NUCB1: variants seen among roughly 807,000 people sequenced by gnomAD.
NUCB1 encodes nucleobindin 1.
A neutral mutation model predicts 61.2 loss-of-function variants in NUCB1; 47 were observed. That is an observed-to-expected ratio of 0.77 (90% CI 0.61 to 0.98). The LOEUF is 0.98. Among genes scored for constraint, NUCB1 ranks in the 50% least tolerant of loss-of-function variants. NUCB1 has a pLI of 0.00. For synonymous variants in NUCB1, 234 were observed against 243.1 expected (o/e 0.96, Z 0.35); for missense variants, 583 against 605.3 (o/e 0.96, Z 0.39).
Position 48,900,823 on chromosome 19 carries a change from C to T in NUCB1, c.27C>T (p.Thr9=), listed in dbSNP as rs1053453555. 2.5e-6 allele frequency: 4 copies of T among 1,613,984 alleles called. No homozygotes were observed. The highest frequency in any genetic ancestry group is 2.5e-6 in the Non-Finnish European group (3 of 1,180,026). ...TGCCTCCCTCTGGGCCCCGAGGAAC[C>T]CTCCTTCTGTTGCCGCTGCTGCTGC... MPPSGPRG[T]LLLLPLLLLL... is the part of the protein sequence containing the mutation. Residue 9 remains threonine (T), a synonymous_variant, in exon 2 of 13, where the codon ACC becomes ACT. Transcript: ENST00000405315.
chr19:48,904,240 T>G (rs966673666), intron 2 of NUCB1, 107 bp from the exon 3 acceptor site: 38 of 663,818 alleles, frequency 5.7e-5, no homozygotes, highest in Non-Finnish European at 9.2e-5. Context: ...AGGTAAAAAC[T>G]GAGTCCCTTG....
chr19:48,914,449 C>G (rs1404030512), intron 7 of NUCB1, among the ~76,000 whole-genome samples: 5 of 152,046 alleles, frequency 3.3e-5, no homozygotes, highest in African/African-American at 9.7e-5. Context: ...ATTCAGCAAA[C>G]CTTTCCTAAG....
rs181705551 is a variant in NUCB1, at chr19:48,918,609, C to T, written c.758-117C>T. The T allele has an allele frequency of 1.6e-4, 127 of 806,030 alleles. 1 individual carries two copies. Among genetic ancestry groups the T allele is most frequent in the Admixed American group, 1.7e-4 (9 of 53,490 alleles). 49.9% of individuals were successfully genotyped at this position (806,030 alleles called of 1,614,324 possible). ...GGGCCACCGTTCCACCGCGGGAGAC[C>T]CGTAGTTACCTGTCCTCTGATAACA... On this transcript the variant is annotated intron_variant, in intron 7 of 12. Coordinates refer to ENST00000405315, the MANE Select transcript of NUCB1 (RefSeq NM_006184.6).
intron 3 of NUCB1, 103 bp from the exon 4 acceptor site, chr19:48,905,650 G>A: frequency 7.3e-7 from 1 of 1,367,808 alleles, no homozygotes; most frequent in Non-Finnish European, 1.0e-6. Context: ...CTATAAGCAG[G>A]GAAGGGGCAG....
intron 2 of NUCB1, among the ~76,000 whole-genome samples, chr19:48,901,497 C>T (rs2037352722): frequency 1.3e-5 from 2 of 152,242 alleles, no homozygotes; most frequent in South Asian, 4.1e-4. Flanking sequence ...GGCGCAGTGG[C>T]TCATGCCTGT....
intron 5 of NUCB1, 70 bp downstream of exon 5, chr19:48,911,322 C>CCAGA: frequency 1.8e-6 from 2 of 1,092,058 alleles, no homozygotes; most frequent in Non-Finnish European, 2.8e-6. Flanking sequence ...GGACAGAGTC[C>CCAGA]CAGACGTGAG....
intron 7 of NUCB1, among the ~76,000 whole-genome samples, chr19:48,914,230 A>C (rs11880190): frequency 0.67 from 102,278 of 151,662 alleles, 36,166 homozygotes; most frequent in South Asian, 0.85. Flanking sequence ...CCCCCTCAGC[A>C]TCCCAAAGTG....
intron 4 of NUCB1, among the ~76,000 whole-genome samples, chr19:48,908,014 G>A (rs1444058904): frequency 6.6e-6 from 1 of 152,164 alleles, no homozygotes; most frequent in African/African-American, 2.4e-5. Flanking sequence ...TCACCGCCCC[G>A]GCTGTCCTGT....
rs1465803068 is a variant in NUCB1, at chr19:48,913,527, C to T, written c.720C>T (p.Pro240=). The T allele has an allele frequency of 1.9e-6, 3 of 1,614,064 alleles. No individual in the cohort carries two copies. The highest frequency in any genetic ancestry group is 1.1e-5 in the South Asian group (1 of 91,090). The change falls in exon 7 of 13, where the codon CCC becomes CCT. Residue 240 remains proline (P), a synonymous_variant. Transcript: ENST00000405315. ...EVWEELDGLD[P]NRFNPKTFFI... is the part of the protein sequence containing the mutation. ...GGGAGGAGCTGGATGGACTGGACCC[C>T]AACAGGTTTAACCCCAAGACCTTCT... is the stretch of plus-strand genomic sequence containing the variant.
At chr19:48,901,625 G>A (rs953249358) in intron 2 of NUCB1, among the ~76,000 whole-genome samples, 55 of 152,324 alleles carry the variant, frequency 3.6e-4, no homozygotes, top group African/African-American at 1.2e-3. Flanking sequence ...TTAGCTGGGC[G>A]TGGTGGCTCA....
At chr19:48,911,116 C>T (rs999822140) in intron 4 of NUCB1, 33 bp from the exon 5 acceptor site, 4 of 1,479,086 alleles carry the variant, frequency 2.7e-6, no homozygotes, top group Admixed American at 3.4e-5. Flanking sequence ...AAAGAACATG[C>T]CCTCAGGTGT....
At chr19:48,913,592 A>G in intron 7 of NUCB1, 28 bp downstream of exon 7, 1 of 1,571,056 alleles carries the variant, frequency 6.4e-7, no homozygotes, top group Non-Finnish European at 8.8e-7. Flanking sequence ...TTCCAGAGCC[A>G]GGATGAACCC....
rs1268928861 is a variant in NUCB1, at chr19:48,922,395, CCT to C, written c.1358_1359del (p.Pro453ArgfsTer3). 1.2e-6 allele frequency: 2 copies of C among 1,613,828 alleles called. No homozygotes were observed. Among genetic ancestry groups the C allele is most frequent in the Non-Finnish European group, 1.7e-6 (2 of 1,179,806 alleles). ...AGAAAAGAAACTTCTCGAGCGGCTC[CCT>C]GAGGTTGAGGTGCCCCAGCATCTGT... The part of the protein sequence containing the change: ...TSEKKLLERL[P>X]EVEVPQHL On this transcript the variant is annotated frameshift_variant, in exon 13 of 13. Coordinates refer to ENST00000405315, the MANE Select transcript of NUCB1 (RefSeq NM_006184.6). LOFTEE classifies it high-confidence loss of function.
At chr19:48,918,463 C>CA in intron 7 of NUCB1, 6 of 453,598 alleles carry the variant, frequency 1.3e-5, no homozygotes, top group Middle Eastern at 5.6e-4. Context: ...GCCAGAGAAT[C>CA]CTGCATGACA....
At chr19:48,912,019 C>CA (rs963906845) in intron 5 of NUCB1, among the ~76,000 whole-genome samples, 4 of 128,630 alleles carry the variant, frequency 3.1e-5, no homozygotes, top group Non-Finnish European at 6.5e-5. Flanking sequence ...TTTATTTTTA[C>CA]TTTTTTTTTT....
In NUCB1 at chr19:48,911,166, C is replaced by T; in HGVS notation, c.394C>T (p.Leu132=). 6.2e-7 allele frequency: 1 copy of T among 1,613,394 alleles called. No homozygotes were observed. Among genetic ancestry groups the T allele is most frequent in the South Asian group, 1.1e-5 (1 of 91,056 alleles). ...EQDPNVQVDH[L]NLLKQFEHLD... is the part of the protein sequence containing the mutation. ...TCTTCCAGATGTACAGGTGGATCAT[C>T]TGAATCTCCTGAAACAGTTTGAACA... Residue 132 remains leucine (L), a synonymous_variant, in exon 5 of 13, where the codon CTG becomes TTG. Coordinates refer to ENST00000405315, the MANE Select transcript of NUCB1 (RefSeq NM_006184.6).
chr19:48,916,852 G>T (rs772169492), intron 7 of NUCB1, among the ~76,000 whole-genome samples: 4 of 152,182 alleles, frequency 2.6e-5, no homozygotes, highest in Non-Finnish European at 5.9e-5. Context: ...GGAGGTGGAG[G>T]TTGCAGTGAG....
chr19:48,909,537 G>A (rs571149348), intron 4 of NUCB1, among the ~76,000 whole-genome samples: 26 of 151,682 alleles, frequency 1.7e-4, no homozygotes, highest in Non-Finnish European at 2.5e-4. Context: ...GTGAGCCACC[G>A]CGCCCGGCCT....
intron 7 of NUCB1, among the ~76,000 whole-genome samples, chr19:48,916,733 T>C (rs1403455112): frequency 6.6e-6 from 1 of 152,010 alleles, no homozygotes; most frequent in African/African-American, 2.4e-5. Flanking sequence ...CTGGCCAACA[T>C]AGTGAAACCC....
Sources: allele counts gnomAD v4.1 joint callset (sites outside exome capture counted in the v4.1 genomes callset), GRCh38; gene constraint gnomAD v4.1.1; transcripts MANE v1.5; gene names NCBI Gene and HGNC (gene_info 2026-07-23, HGNC 2026-07-21).